Variants in EPHA6 observed in about 807,000 individuals in gnomAD.
The protein encoded by EPHA6 is ephrin type-A receptor 6.
In EPHA6, 50 loss-of-function variants were observed where a neutral mutation model predicts 112.0. The ratio of observed to expected loss-of-function variants is 0.45; its 90% CI spans 0.36 to 0.56. The LOEUF is 0.56. EPHA6 is among the 20% of genes least tolerant of loss of function. The pLI is 0.00. For synonymous variants in EPHA6, 529 were observed against 490.7 expected (o/e 1.08, Z -1.03); for missense variants, 1,280 against 1,417.4 (o/e 0.90, Z 1.56).
At chr3:97,136,588 G>C (rs2075774471) in intron 3 of EPHA6, among the ~76,000 whole-genome samples, 1 of 152,030 alleles carries the variant, frequency 6.6e-6, no homozygotes, top group African/African-American at 2.4e-5. Context: ...TAGTACTCAA[G>C]TATGGTGGCA....
In EPHA6 at chr3:97,319,182, T is replaced by G. The variant is rs371926595; in HGVS notation, c.1606+74895T>G. On this transcript the variant is annotated intron_variant, in intron 5 of 17. Coordinates refer to ENST00000389672, the MANE Select transcript of EPHA6 (RefSeq NM_001080448.3). The stretch of plus-strand genomic sequence containing the variant: ...GTTTAAAACCATTTATCTAGTTGTG[T>G]CTTCTGTGAAAGAAGAGAATGGCTC... 4.3e-4 allele frequency among the ~76,000 whole-genome samples: 65 copies of G among 151,300 alleles called. No individual in the cohort carries two copies. The East Asian group carries it at 5.2e-3, about 12-fold the overall frequency.
At chr3:97,203,254 T>C (rs2077626802) in intron 3 of EPHA6, among the ~76,000 whole-genome samples, 1 of 152,016 alleles carries the variant, frequency 6.6e-6, no homozygotes, top group African/African-American at 2.4e-5. Context: ...AAAGAGTCAT[T>C]GGGATAATTC....
intron 2 of EPHA6, among the ~76,000 whole-genome samples, chr3:96,894,070 G>C (rs76561266): frequency 0.053 from 8,122 of 152,240 alleles, 294 homozygotes; most frequent in Non-Finnish European, 0.073. Flanking sequence ...TCAATGCTAA[G>C]TTTCAAGACT....
At chr3:97,112,826 A>G (rs1431334042) in intron 3 of EPHA6, among the ~76,000 whole-genome samples, 1 of 152,164 alleles carries the variant, frequency 6.6e-6, no homozygotes, top group East Asian at 1.9e-4. Flanking sequence ...TACAGCTAGT[A>G]TCACTGTCTC....
At chr3:97,121,353 A>C (rs2048035709) in intron 3 of EPHA6, among the ~76,000 whole-genome samples, 1 of 152,020 alleles carries the variant, frequency 6.6e-6, no homozygotes, top group African/African-American at 2.4e-5. Context: ...AAATATGTTG[A>C]GATAGAAGAG....
intron 2 of EPHA6, among the ~76,000 whole-genome samples, chr3:96,972,505 A>G (rs1350993856): frequency 6.6e-6 from 1 of 151,908 alleles, no homozygotes; most frequent in African/African-American, 2.4e-5. Flanking sequence ...TGTTTCTCCA[A>G]CAGTCCCAGT....
At position 97,747,601 on chromosome 3, in the gene EPHA6, C is replaced by T. The variant is rs180902521; in HGVS notation, c.3278+29C>T. The T allele has an allele frequency of 5.8e-4, 907 of 1,550,436 alleles. 4 individuals are homozygous for T. The African/African-American group carries it at 0.011, about 18-fold the overall frequency. On this transcript the variant is annotated intron_variant, in intron 17 of 17. Transcript: ENST00000389672. ...AGTGATACTAGGTTTATTACTGTAA[C>T]GAGATGTCCTGCTGGGGATTATAAG... is the stretch of plus-strand genomic sequence containing the variant.
At chr3:97,399,753 A>T (rs2086884579) in intron 5 of EPHA6, among the ~76,000 whole-genome samples, 3 of 151,600 alleles carry the variant, frequency 2.0e-5, no homozygotes, top group Non-Finnish European at 4.4e-5. Context: ...GTCTATTTAG[A>T]TCTTTTGCCC....
At chr3:96,953,383 A>C (rs1465608572) in intron 2 of EPHA6, among the ~76,000 whole-genome samples, 2 of 152,296 alleles carry the variant, frequency 1.3e-5, no homozygotes, top group East Asian at 1.9e-4. Flanking sequence ...CAATATACAT[A>C]TTATCACCGT....
Position 96,846,394 on chromosome 3 carries a change from C to T in EPHA6, c.386-20431C>T, listed in dbSNP as rs146549623. ...CCACCGTGTAAGATTCTGACCCACT[C>T]GGATTGAGGTGAGTCCAGTGAATAT... On this transcript the variant is annotated intron_variant, in intron 1 of 17. Coordinates refer to ENST00000389672, the MANE Select transcript of EPHA6 (RefSeq NM_001080448.3). Among the ~76,000 whole-genome samples, 975 of 152,110 alleles carry T rather than the reference C, an allele frequency of 6.4e-3. 7 individuals are homozygous for T. Among genetic ancestry groups the T allele is most frequent in the African/African-American group, 0.021 (878 of 41,544 alleles).
intron 12 of EPHA6, among the ~76,000 whole-genome samples, chr3:97,603,224 T>C (rs1411762056): frequency 1.3e-5 from 2 of 151,984 alleles, no homozygotes; most frequent in African/African-American, 4.8e-5. Flanking sequence ...CCTTTTTTCC[T>C]ATATGATAAT....
At chr3:96,944,672 C>G (rs143223024) in intron 2 of EPHA6, among the ~76,000 whole-genome samples, 34 of 152,294 alleles carry the variant, frequency 2.2e-4, no homozygotes, top group African/African-American at 7.9e-4. Flanking sequence ...TGTAAAATAA[C>G]TCGATATTAC....
At chr3:97,740,289 A>G (rs984914806) in intron 16 of EPHA6, among the ~76,000 whole-genome samples, 1 of 152,114 alleles carries the variant, frequency 6.6e-6, no homozygotes, top group African/African-American at 2.4e-5. Context: ...CAGAGTTTCA[A>G]TGTAATGGGA....
At chr3:96,976,145 T>G (rs896622914) in intron 2 of EPHA6, among the ~76,000 whole-genome samples, 3 of 152,202 alleles carry the variant, frequency 2.0e-5, no homozygotes, top group Admixed American at 2.0e-4. Context: ...GTTATATGTT[T>G]GTTTTAAATA....
intron 2 of EPHA6, among the ~76,000 whole-genome samples, chr3:96,870,619 T>C (rs895566979): frequency 6.6e-6 from 1 of 152,108 alleles, no homozygotes; most frequent in African/African-American, 2.4e-5. Context: ...ATACATAAAA[T>C]TAACCATCAC....
rs1489386174 is a variant in EPHA6 at position 97,760,335 on chromosome 3, G to T, written c.*11634G>T. The T allele has an allele frequency of 2.5e-5, 4 of 156,962 alleles. No individual in the cohort carries two copies. The highest frequency in any genetic ancestry group is 6.9e-5 in the Admixed American group (1 of 14,568). 9.7% of individuals were successfully genotyped at this position (156,962 alleles called of 1,614,324 possible). On this transcript the variant is annotated 3_prime_UTR_variant, in exon 18 of 18. Transcript: ENST00000389672. ...TTGTGCTTGGTGCTTTGTTTCTGGA[G>T]ATATATATATATATATTATATATAT... is the stretch of plus-strand genomic sequence containing the variant.
chr3:96,882,204 G>C (rs1188949538), intron 2 of EPHA6, among the ~76,000 whole-genome samples: 1 of 152,144 alleles, frequency 6.6e-6, no homozygotes, highest in Non-Finnish European at 1.5e-5. Flanking sequence ...AGATTTGACT[G>C]CCCTGCTGGA....
chr3:97,573,270 T>C (rs1345271345), intron 11 of EPHA6, among the ~76,000 whole-genome samples: 1 of 152,192 alleles, frequency 6.6e-6, no homozygotes, highest in Non-Finnish European at 1.5e-5. Flanking sequence ...GAGTTCATTA[T>C]GCCTGATGAA....
rs377079826 is a variant in EPHA6 at position 97,553,093 on chromosome 3, A to C, written c.2386+20550A>C. Among the ~76,000 whole-genome samples the C allele has an allele frequency of 2.6e-3, 390 of 152,226 alleles. 1 individual carries two copies. The highest frequency in any genetic ancestry group is 8.8e-3 in the African/African-American group (364 of 41,556). The stretch of plus-strand genomic sequence containing the variant: ...ACCCATTCTTCACTTTTGCAGCCGG[A>C]TTAATCTTTATACAAAAAGTTTTGC... On this transcript the variant is annotated intron_variant, in intron 11 of 17. Transcript: ENST00000389672.
Sources: gnomAD v4.1 joint callset for allele counts (sites outside exome capture counted in the v4.1 genomes callset) on GRCh38, gnomAD v4.1.1 for gene constraint, MANE v1.5 for transcripts, NCBI Gene and HGNC (gene_info 2026-07-23, HGNC 2026-07-21) for gene names.